Variants in ADAMTS18 observed in about 807,000 individuals in gnomAD.
ADAMTS18 encodes the protein ADAM metallopeptidase with thrombospondin type 1 motif 18, also known as A disintegrin and metalloproteinase with thrombospondin motifs 18.
Under a neutral mutation model 165.9 loss-of-function variants are expected in ADAMTS18, and 157 were observed. The ratio of observed to expected loss-of-function variants is 0.95; its 90% CI spans 0.83 to 1.08. The LOEUF (loss-of-function observed/expected upper bound fraction) is 1.08. Among genes scored for constraint, ADAMTS18 ranks in the 50% least tolerant of loss-of-function variants. ADAMTS18 has a pLI of 0.00. For missense variants in ADAMTS18, 2,040 were observed against 1,534.0 expected, an observed-to-expected ratio of 1.33 and a Z score of -5.51; for synonymous variants, 782 against 578.2, an observed-to-expected ratio of 1.35 and a Z score of -5.06.
chr16:77,410,292 G>A (rs1370768152), intron 3 of ADAMTS18, among the ~76,000 whole-genome samples: 53 of 141,288 alleles, frequency 3.8e-4, no homozygotes, highest in Admixed American at 3.5e-4. Flanking sequence ...ACCCAAATTT[G>A]AAAAAAAAAA....
intron 18 of ADAMTS18, among the ~76,000 whole-genome samples, chr16:77,296,466 C>G (rs774121274): frequency 2.6e-5 from 4 of 152,090 alleles, no homozygotes; most frequent in Admixed American, 6.5e-5. Flanking sequence ...CACAACCGCA[C>G]GCAAATTGAA....
chr16:77,376,283 T>A (rs914906851), intron 3 of ADAMTS18, among the ~76,000 whole-genome samples: 2 of 152,132 alleles, frequency 1.3e-5, no homozygotes, highest in African/African-American at 2.4e-5. Flanking sequence ...CAACCAGATC[T>A]CATGCAAACT....
intron 11 of ADAMTS18, among the ~76,000 whole-genome samples, chr16:77,337,617 A>G (rs1434123115): frequency 6.6e-6 from 1 of 152,184 alleles, no homozygotes; most frequent in African/African-American, 2.4e-5. Flanking sequence ...CAAATTACTG[A>G]CCAATGTACC....
At chr16:77,303,179 C>T (rs552143336) in intron 16 of ADAMTS18, among the ~76,000 whole-genome samples, 12 of 152,278 alleles carry the variant, frequency 7.9e-5, no homozygotes, top group African/African-American at 2.4e-4. Flanking sequence ...ATGTGACCAC[C>T]GTAGTTGCCC....
chr16:77,430,619 T>A (rs903984747), intron 3 of ADAMTS18, among the ~76,000 whole-genome samples: 5 of 152,208 alleles, frequency 3.3e-5, no homozygotes, highest in Non-Finnish European at 7.3e-5. Context: ...CCGCCTCGTA[T>A]ATTTGATTGA....
chr16:77,431,245 T>C, intron 3 of ADAMTS18, 50 bp downstream of exon 3: 1 of 1,604,178 alleles, frequency 6.2e-7, no homozygotes, highest in Non-Finnish European at 8.5e-7. Context: ...TTCATTCAAG[T>C]TACACAAAAC....
chr16:77,372,277 A>G (rs1484682061), intron 3 of ADAMTS18, among the ~76,000 whole-genome samples: 1 of 152,222 alleles, frequency 6.6e-6, no homozygotes, highest in Non-Finnish European at 1.5e-5. Flanking sequence ...TATTTATTCA[A>G]AGGAAATGAA....
intron 10 of ADAMTS18, among the ~76,000 whole-genome samples, chr16:77,350,293 GA>G (rs1362761373): frequency 2.0e-5 from 3 of 152,154 alleles, no homozygotes; most frequent in Non-Finnish European, 4.4e-5. Context: ...TCGTGGTTGG[GA>G]AAGGAGGGGA....
At chr16:77,379,320 G>C (rs1004421433) in intron 3 of ADAMTS18, among the ~76,000 whole-genome samples, 1 of 152,092 alleles carries the variant, frequency 6.6e-6, no homozygotes, top group Admixed American at 6.5e-5. Flanking sequence ...ATCTCTTTTT[G>C]GTTTGGCTAG....
chr16:77,362,074 G>GGT, intron 7 of ADAMTS18, 31 bp downstream of exon 7: 1 of 1,612,802 alleles, frequency 6.2e-7, no homozygotes, highest in African/African-American at 1.3e-5. Context: ...TCAGCTAACA[G>GGT]GTGTGTGTGA....
intron 3 of ADAMTS18, among the ~76,000 whole-genome samples, chr16:77,370,578 T>A (rs1451084375): frequency 6.6e-6 from 1 of 151,958 alleles, no homozygotes; most frequent in African/African-American, 2.4e-5. Context: ...GGTGAAACCA[T>A]GTCTCTACTA....
intron 12 of ADAMTS18, among the ~76,000 whole-genome samples, chr16:77,334,030 C>CAATATATGCTATATATAATATACAGTGT (rs2056237174): frequency 8.3e-6 from 1 of 120,168 alleles, no homozygotes; most frequent in Admixed American, 9.1e-5. Context: ...ATATACAGTG[C>CAATATATGCTATATATAATATACAGTGT]AATATATGCT....
intron 16 of ADAMTS18, among the ~76,000 whole-genome samples, chr16:77,317,859 A>T (rs2055915785): frequency 6.6e-6 from 1 of 152,164 alleles, no homozygotes; most frequent in African/African-American, 2.4e-5. Flanking sequence ...TGGAACTGAG[A>T]AAGATGATAA....
At chr16:77,321,469 A>G (rs1413445269) in intron 14 of ADAMTS18, among the ~76,000 whole-genome samples, 3 of 152,206 alleles carry the variant, frequency 2.0e-5, no homozygotes, top group East Asian at 3.9e-4. Context: ...ATTGCTACTA[A>G]TACCAGCTGA....
At chr16:77,338,890 C>T (rs1303227242) in intron 11 of ADAMTS18, among the ~76,000 whole-genome samples, 1 of 150,528 alleles carries the variant, frequency 6.6e-6, no homozygotes, top group Non-Finnish European at 1.5e-5. Flanking sequence ...GGAGATGGAG[C>T]CTGCAGTGAG....
At chr16:77,365,538 A>T (rs2056780670) in intron 4 of ADAMTS18, among the ~76,000 whole-genome samples, 1 of 152,200 alleles carries the variant, frequency 6.6e-6, no homozygotes, top group Non-Finnish European at 1.5e-5. Flanking sequence ...AAACTGTATT[A>T]AACACTTTTC....
chr16:77,334,784 C>T (rs1239832414), intron 12 of ADAMTS18, among the ~76,000 whole-genome samples: 11 of 94,560 alleles, frequency 1.2e-4, no homozygotes, highest in African/African-American at 4.0e-4. Flanking sequence ...CTATAGTATA[C>T]AGTAAATATA....
At chr16:77,404,842 C>G (rs543621294) in intron 3 of ADAMTS18, among the ~76,000 whole-genome samples, 15 of 152,258 alleles carry the variant, frequency 9.9e-5, no homozygotes, top group Non-Finnish European at 2.2e-4. Context: ...GCCAAGTAAA[C>G]TGGTAACTGC....
At chr16:77,424,191 G>A (rs907864640) in intron 3 of ADAMTS18, among the ~76,000 whole-genome samples, 19 of 152,302 alleles carry the variant, frequency 1.2e-4, no homozygotes, top group African/African-American at 3.8e-4. Flanking sequence ...CAGGCAGGCC[G>A]GGCGCGGTGG....
Sources: allele counts gnomAD v4.1 joint callset (sites outside exome capture counted in the v4.1 genomes callset), GRCh38; gene constraint gnomAD v4.1.1; transcripts MANE v1.5; gene names NCBI Gene and HGNC (gene_info 2026-07-23, HGNC 2026-07-21).